SEC22A: variants seen among roughly 807,000 people sequenced by gnomAD.
SEC22A encodes the protein SEC22 homolog A, vesicle trafficking protein, also known as vesicle-trafficking protein SEC22a.
In SEC22A, 22 loss-of-function variants were observed where a neutral mutation model predicts 35.3. That is an observed-to-expected ratio of 0.62 (90% CI 0.45 to 0.89). The LOEUF (loss-of-function observed/expected upper bound fraction) is 0.89. SEC22A is among the 40% of genes least tolerant of loss of function. The pLI is 0.00. For synonymous variants in SEC22A, 119 were observed against 129.5 expected, an observed-to-expected ratio of 0.92 and a Z score of 0.55; for missense variants, 354 against 362.5, an observed-to-expected ratio of 0.98 and a Z score of 0.19.
intron 4 of SEC22A, among the ~76,000 whole-genome samples, chr3:123,236,299 C>T (rs1378897756): frequency 6.6e-6 from 1 of 152,060 alleles, no homozygotes. Flanking sequence ...ACCACTAGTC[C>T]CACTGAGTAC....
At chr3:123,250,373 G>A (rs914753783) in intron 5 of SEC22A, among the ~76,000 whole-genome samples, 3 of 151,862 alleles carry the variant, frequency 2.0e-5, no homozygotes, top group African/African-American at 7.3e-5. Context: ...TCGTGCCACT[G>A]CACTCTCAGC....
chr3:123,222,071 T>C (rs1449193549), intron 2 of SEC22A, among the ~76,000 whole-genome samples: 1 of 152,174 alleles, frequency 6.6e-6, no homozygotes, highest in Non-Finnish European at 1.5e-5. Flanking sequence ...CTTTATCTAC[T>C]CTACTGCCAA....
intron 6 of SEC22A, among the ~76,000 whole-genome samples, chr3:123,269,391 T>C (rs909233443): frequency 1.3e-5 from 2 of 152,036 alleles, no homozygotes; most frequent in African/African-American, 4.8e-5. Context: ...AGATAAGATA[T>C]TCACATAATC....
At chr3:123,249,021 G>C (rs1937588962) in intron 5 of SEC22A, among the ~76,000 whole-genome samples, 1 of 152,196 alleles carries the variant, frequency 6.6e-6, no homozygotes, top group African/African-American at 2.4e-5. Flanking sequence ...CCAATTGGAA[G>C]TTCCCACAAC....
At chr3:123,240,401 G>C (rs190499072) in intron 4 of SEC22A, among the ~76,000 whole-genome samples, 1 of 152,000 alleles carries the variant, frequency 6.6e-6, no homozygotes, top group African/African-American at 2.4e-5. Context: ...AGACTACATT[G>C]TGTGACTATT....
At chr3:123,271,106 G>A (rs941069396) in intron 6 of SEC22A, among the ~76,000 whole-genome samples, 1 of 152,080 alleles carries the variant, frequency 6.6e-6, no homozygotes, top group African/African-American at 2.4e-5. Context: ...CTCAGACTCA[G>A]GTTATATTAA....
chr3:123,209,244 C>A lies in SEC22A; in HGVS notation c.27C>A (p.Val9=). Residue 9 remains valine (V), a synonymous_variant, in exon 2 of 7, where the codon GTC becomes GTA. Transcript: ENST00000492595. MSMILSAS[V]IRVRDGLPLS... is the part of the protein sequence containing the mutation. The stretch of plus-strand genomic sequence containing the variant: ...TGTCTATGATTTTATCTGCCTCAGT[C>A]ATTCGTGTCAGAGATGGACTGCCAC... 6.2e-7 allele frequency: 1 copy of A among 1,613,994 alleles called. No homozygotes were observed. The highest frequency in any genetic ancestry group is 1.1e-5 in the South Asian group (1 of 91,044).
At chr3:123,253,452 G>A (rs1004870509) in intron 5 of SEC22A, among the ~76,000 whole-genome samples, 4 of 151,806 alleles carry the variant, frequency 2.6e-5, no homozygotes, top group African/African-American at 7.3e-5. Flanking sequence ...GGTGGCTCAC[G>A]CTTGTAATCC....
intron 2 of SEC22A, among the ~76,000 whole-genome samples, chr3:123,222,574 C>CTT (rs1937147514): frequency 6.6e-6 from 1 of 152,110 alleles, no homozygotes; most frequent in Non-Finnish European, 1.5e-5. Flanking sequence ...AAAGAATACA[C>CTT]TTTTTCCTTT....
chr3:123,203,127 T>C (rs1488253188), intron 1 of SEC22A, among the ~76,000 whole-genome samples: 2 of 138,866 alleles, frequency 1.4e-5, no homozygotes, highest in African/African-American at 5.4e-5. Context: ...CTTATGTTGG[T>C]ATATGAAAGA....
rs541961427 is a variant in SEC22A at position 123,207,422 on chromosome 3, A to G, written c.-19-1777A>G. On this transcript the variant is annotated intron_variant, in intron 1 of 6. Transcript: ENST00000492595. ...TAAGGATTAATTTAGTCTCTAAGATACAATATTTTTGGAAAAATGCCTGTG... is the reference window on the plus strand; with the variant it reads ...TAAGGATTAATTTAGTCTCTAAGATGCAATATTTTTGGAAAAATGCCTGTG... Among the ~76,000 whole-genome samples the G allele has an allele frequency of 6.6e-5, 10 of 152,292 alleles. 1 individual carries two copies. In the South Asian group the frequency reaches 2.1e-3, roughly 32 times the overall value.
chr3:123,232,425 G>A (rs769504713), intron 4 of SEC22A, among the ~76,000 whole-genome samples: 1 of 152,096 alleles, frequency 6.6e-6, no homozygotes, highest in Non-Finnish European at 1.5e-5. Flanking sequence ...ATCTGTAAAA[G>A]CAAAAAGATT....
chr3:123,234,980 G>A (rs1027084670), intron 4 of SEC22A, among the ~76,000 whole-genome samples: 3 of 150,856 alleles, frequency 2.0e-5, no homozygotes, highest in Admixed American at 6.6e-5. Flanking sequence ...CTGAGATCGT[G>A]CCACTGCACT....
At chr3:123,246,361 T>A (rs1403161996) in intron 5 of SEC22A, among the ~76,000 whole-genome samples, 1 of 152,148 alleles carries the variant, frequency 6.6e-6, no homozygotes, top group Non-Finnish European at 1.5e-5. Context: ...GTCAGTATAA[T>A]CAGGATTGGA....
At chr3:123,256,818 G>A (rs1559762836) in intron 5 of SEC22A, among the ~76,000 whole-genome samples, 1 of 144,894 alleles carries the variant, frequency 6.9e-6, no homozygotes, top group Non-Finnish European at 1.5e-5. Flanking sequence ...GGAGTGCAGT[G>A]GCGCAGTCTC....
In SEC22A at chr3:123,246,426, CAG is replaced by C. The variant is rs547614566; in HGVS notation, c.657+417_657+418del. Among the ~76,000 whole-genome samples the C allele has an allele frequency of 3.3e-5, 5 of 152,270 alleles. No homozygotes were observed. The East Asian group carries it at 9.6e-4, about 29-fold the overall frequency. Reference sequence around the variant, plus strand: ...CTGGTCCTGGAAAGATCTGATCAGACAGAGAGCAGTGGAAGAATGAAGAGGGC... The same window carrying C: ...CTGGTCCTGGAAAGATCTGATCAGACAGAGCAGTGGAAGAATGAAGAGGGC... On this transcript the variant is annotated intron_variant, in intron 5 of 6. Transcript: ENST00000492595.
chr3:123,243,080 C>A (rs917058508), intron 4 of SEC22A, among the ~76,000 whole-genome samples: 2 of 152,114 alleles, frequency 1.3e-5, no homozygotes, highest in African/African-American at 4.8e-5. Context: ...TTATTTCTCC[C>A]CACTTGTCAC....
chr3:123,216,190 T>A (rs1285616074), intron 2 of SEC22A, among the ~76,000 whole-genome samples: 1 of 152,112 alleles, frequency 6.6e-6, no homozygotes, highest in African/African-American at 2.4e-5. Context: ...TGTGGGAAAA[T>A]GAGATCTAGA....
At chr3:123,230,245 T>C (rs1194721246) in intron 4 of SEC22A, among the ~76,000 whole-genome samples, 1 of 152,160 alleles carries the variant, frequency 6.6e-6, no homozygotes, top group Non-Finnish European at 1.5e-5. Flanking sequence ...CTATAACATA[T>C]AGAAATGTAA....
Sources: gnomAD v4.1 joint callset for allele counts (sites outside exome capture counted in the v4.1 genomes callset) on GRCh38, gnomAD v4.1.1 for gene constraint, MANE v1.5 for transcripts, NCBI Gene and HGNC (gene_info 2026-07-23, HGNC 2026-07-21) for gene names.